CDH12: variants seen among roughly 807,000 people sequenced by gnomAD.
CDH12 encodes the protein cadherin-12.
In CDH12, 41 loss-of-function variants were observed where a neutral mutation model predicts 74.1. The ratio of observed to expected loss-of-function variants is 0.55; its 90% confidence interval spans 0.43 to 0.72. The LOEUF is 0.72. CDH12 is among the 30% of genes least tolerant of loss of function. The probability of loss-of-function intolerance (pLI) is 0.00; values close to 1 mark genes in which losing one functional copy is unlikely to be tolerated. For missense variants in CDH12, 945 were observed against 977.2 expected (o/e 0.97, Z 0.44); for synonymous variants, 399 against 355.0 (o/e 1.12, Z -1.39).
intron 1 of CDH12, among the ~76,000 whole-genome samples, chr5:22,800,456 C>T (rs886315552): frequency 5.9e-5 from 9 of 152,050 alleles, no homozygotes; most frequent in Middle Eastern, 3.2e-3. Context: ...CTTACATACC[C>T]GTTTACCCAC....
chr5:22,540,764 T>C (rs1027574180), intron 1 of CDH12, among the ~76,000 whole-genome samples: 1 of 152,138 alleles, frequency 6.6e-6, no homozygotes, highest in African/African-American at 2.4e-5. Flanking sequence ...TTCAAGAAAA[T>C]TCACTTAATA....
chr5:21,944,573 T>C (rs1755483998), intron 6 of CDH12, among the ~76,000 whole-genome samples: 1 of 152,144 alleles, frequency 6.6e-6, no homozygotes, highest in African/African-American at 2.4e-5. Flanking sequence ...CTGTGGTGAT[T>C]AATTGGTGTG....
intron 3 of CDH12, among the ~76,000 whole-genome samples, chr5:22,336,368 C>T (rs905841263): frequency 2.0e-5 from 3 of 152,108 alleles, no homozygotes; most frequent in African/African-American, 7.2e-5. Context: ...AAGGAGGAGC[C>T]AAATGTTAAT....
At chr5:22,048,160 T>C (rs1740095291) in intron 5 of CDH12, among the ~76,000 whole-genome samples, 1 of 152,144 alleles carries the variant, frequency 6.6e-6, no homozygotes, top group African/African-American at 2.4e-5. Context: ...GGTAGAAGTC[T>C]TTTTTCTTTC....
intron 5 of CDH12, among the ~76,000 whole-genome samples, chr5:22,009,939 C>CAAAAAAAAAAAAGAAAAAAA (rs1737198115): frequency 1.8e-5 from 1 of 54,346 alleles, no homozygotes; most frequent in African/African-American, 5.6e-5. Context: ...GAAACTGTCT[C>CAAAAAAAAAAAAGAAAAAAA]AAAAAAAAAA....
intron 1 of CDH12, among the ~76,000 whole-genome samples, chr5:22,616,508 T>C (rs1737697188): frequency 6.6e-6 from 1 of 152,126 alleles, no homozygotes; most frequent in Non-Finnish European, 1.5e-5. Context: ...ATTTGAAATA[T>C]ACCTATATAT....
chr5:22,188,963 T>C (rs1166485745), intron 4 of CDH12, among the ~76,000 whole-genome samples: 1 of 152,192 alleles, frequency 6.6e-6, no homozygotes, highest in Non-Finnish European at 1.5e-5. Flanking sequence ...GGGTTTCTTA[T>C]TGTGATTCAA....
intron 2 of CDH12, among the ~76,000 whole-genome samples, chr5:22,410,477 G>T (rs1005204905): frequency 6.6e-6 from 1 of 151,984 alleles, no homozygotes; most frequent in African/African-American, 2.4e-5. Context: ...GTTTTGCTGG[G>T]TTTCCCCACT....
intron 5 of CDH12, among the ~76,000 whole-genome samples, chr5:22,031,315 C>CAGAG (rs35160432): frequency 0.33 from 49,389 of 151,576 alleles, 9,835 homozygotes; most frequent in African/African-American, 0.57. Flanking sequence ...GCCTGGGCAA[C>CAGAG]AGAGACTCCA....
intron 6 of CDH12, among the ~76,000 whole-genome samples, chr5:21,886,917 G>C (rs1752662269): frequency 6.6e-6 from 1 of 152,028 alleles, no homozygotes; most frequent in Admixed American, 6.6e-5. Flanking sequence ...GAAGCAGTTG[G>C]CTATGACTTG....
chr5:22,766,368 A>C (rs1289816283), intron 1 of CDH12, among the ~76,000 whole-genome samples: 1 of 152,112 alleles, frequency 6.6e-6, no homozygotes, highest in Non-Finnish European at 1.5e-5. Context: ...GAATGGATAA[A>C]TAAGTACCTC....
At chr5:22,732,459 T>TACACAC (rs1491477107) in intron 1 of CDH12, among the ~76,000 whole-genome samples, 10 of 65,792 alleles carry the variant, frequency 1.5e-4, no homozygotes, top group African/African-American at 6.9e-4. Context: ...TGTGTGTGTA[T>TACACAC]ATATATATAT....
intron 4 of CDH12, among the ~76,000 whole-genome samples, chr5:22,098,377 A>G (rs1338079415): frequency 2.0e-5 from 3 of 152,148 alleles, no homozygotes; most frequent in Non-Finnish European, 4.4e-5. Flanking sequence ...CTTCCTAGGC[A>G]TGGTTAGTGT....
At chr5:22,006,532 A>G (rs1000686569) in intron 5 of CDH12, among the ~76,000 whole-genome samples, 2 of 152,082 alleles carry the variant, frequency 1.3e-5, no homozygotes, top group African/African-American at 2.4e-5. Context: ...AAATTATATA[A>G]TAGTAAACAT....
chr5:22,033,036 CAAAAA>C (rs11312264), intron 5 of CDH12, among the ~76,000 whole-genome samples: 1 of 111,908 alleles, frequency 8.9e-6, no homozygotes, highest in Admixed American at 9.2e-5. Context: ...ATCTTGCTTC[CAAAAA>C]AAAAAAAAAA....
intron 1 of CDH12, among the ~76,000 whole-genome samples, chr5:22,720,803 C>A (rs905102616): frequency 5.3e-5 from 8 of 152,190 alleles, no homozygotes; most frequent in Non-Finnish European, 1.0e-4. Flanking sequence ...CAAAGGTCAC[C>A]CTTGCTATGG....
At chr5:21,927,317 G>A (rs1754629411) in intron 6 of CDH12, among the ~76,000 whole-genome samples, 1 of 152,142 alleles carries the variant, frequency 6.6e-6, no homozygotes, top group South Asian at 2.1e-4. Context: ...CGGGCACGGT[G>A]GCTCACGCCT....
intron 1 of CDH12, among the ~76,000 whole-genome samples, chr5:22,532,375 A>ATATATATATATATATATATATATATG (rs1178546849): frequency 1.8e-4 from 14 of 75,830 alleles, no homozygotes; most frequent in African/African-American, 5.0e-4. Context: ...ATATATATAT[A>ATATATATATATATATATATATATATG]TATGTATGTA....
At chr5:22,364,929 C>T (rs888573747) in intron 3 of CDH12, among the ~76,000 whole-genome samples, 2 of 152,104 alleles carry the variant, frequency 1.3e-5, no homozygotes, top group Non-Finnish European at 2.9e-5. Context: ...AATGTAAAGA[C>T]TCATCAAAGA....
Sources: gnomAD v4.1 joint callset for allele counts (sites outside exome capture counted in the v4.1 genomes callset) on GRCh38, gnomAD v4.1.1 for gene constraint, MANE v1.5 for transcripts, NCBI Gene and HGNC (gene_info 2026-07-23, HGNC 2026-07-21) for gene names.